CCZ1: variants seen among roughly 807,000 people sequenced by gnomAD.
CCZ1 encodes the protein vacuolar fusion protein CCZ1 homolog.
CCZ1 carries 19 observed loss-of-function variants against 57.8 expected under a neutral mutation model. That is an observed-to-expected ratio of 0.33 (90% CI 0.23 to 0.48). The LOEUF is 0.48. Ranked by LOEUF, CCZ1 falls within the 20% of genes least tolerant of loss-of-function variation. The probability of loss-of-function intolerance (pLI) is 0.99; values close to 1 mark genes in which losing one functional copy is unlikely to be tolerated. For synonymous variants in CCZ1, 81 were observed against 167.0 expected (o/e 0.49, Z 3.97); for missense variants, 200 against 492.0 (o/e 0.41, Z 5.61).
Position 5,902,522 on chromosome 7 carries a change from A to G in CCZ1, c.439-139A>G, listed in dbSNP as rs1781707191. 10 of 1,353,580 alleles carry G rather than the reference A, an allele frequency of 7.4e-6. 1 individual carries two copies. In the East Asian group the frequency reaches 3.6e-4, roughly 48 times the overall value. 83.8% of individuals were successfully genotyped at this position (1,353,580 alleles called of 1,614,324 possible). A position where few individuals can be genotyped will look rare whatever the true frequency, so the allele number is the denominator to read the frequency against. On this transcript the variant is annotated intron_variant, in intron 5 of 14. Coordinates refer to ENST00000325974, the MANE Select transcript of CCZ1 (RefSeq NM_015622.6). ...TTACATTTTTAACTCAAGTTTTCTCATGTAAATATTCTCTGTTGGAAAGAA... is the reference window on the plus strand; with the variant it reads ...TTACATTTTTAACTCAAGTTTTCTCGTGTAAATATTCTCTGTTGGAAAGAA...
chr7:5,899,944 G>A (rs1273140458), intron 1 of CCZ1, among the ~76,000 whole-genome samples: 2 of 139,296 alleles, frequency 1.4e-5, no homozygotes, highest in Non-Finnish European at 3.0e-5. Context: ...ATTACCTGGT[G>A]CTACTTCAGA....
intron 12 of CCZ1, among the ~76,000 whole-genome samples, chr7:5,920,469 G>GTTTTTTT (rs1562546070): frequency 9.0e-5 from 2 of 22,144 alleles, no homozygotes; most frequent in Admixed American, 9.8e-4. Flanking sequence ...TTTCTCCCTG[G>GTTTTTTT]CTTTTTTTTT....
intron 12 of CCZ1, among the ~76,000 whole-genome samples, 174 bp from the exon 13 acceptor site, chr7:5,923,213 A>G (rs1779283948): frequency 1.3e-5 from 1 of 77,344 alleles, no homozygotes; most frequent in Non-Finnish European, 2.5e-5. Flanking sequence ...GCTACTCAGG[A>G]GGCTGAGGCA....
intron 10 of CCZ1, among the ~76,000 whole-genome samples, chr7:5,915,590 A>G (rs1450309846): frequency 6.6e-6 from 1 of 151,438 alleles, no homozygotes; most frequent in Non-Finnish European, 1.5e-5. Flanking sequence ...TACACTTAAA[A>G]TGTACAGTTC....
rs1271031328 is a variant in CCZ1, at chr7:5,905,152, G to C, written c.581G>C (p.Ser194Thr). ...CTACTTGACATTTTTGGTGGAATCA[G>C]CTTCTTCCCGTTGGATAAAATGACT... Reference protein sequence around the residue: ...CDLLDIFGGISFFPLDKMTYL... With the variant: ...CDLLDIFGGITFFPLDKMTYL... Residue 194 changes from serine to threonine, a missense_variant, in exon 7 of 15, where the codon AGC becomes ACC. Ser to Thr is a moderately conservative substitution (Grantham distance 58). This residue lies in a region of CCZ1 where 128 missense variants were observed against 178.4 expected (regional missense o/e 0.72). Coordinates refer to ENST00000325974, the MANE Select transcript of CCZ1 (RefSeq NM_015622.6). 1 of 1,585,442 alleles carries C rather than the reference G, an allele frequency of 6.3e-7. No homozygotes were observed. Among genetic ancestry groups the C allele is most frequent in the South Asian group, 1.2e-5 (1 of 86,848 alleles).
At chr7:5,906,241 G>C (rs113452478) in intron 7 of CCZ1, among the ~76,000 whole-genome samples, 1 of 147,690 alleles carries the variant, frequency 6.8e-6, no homozygotes, top group Admixed American at 6.7e-5. Context: ...AGAGTAGGTG[G>C]ACAGAAGTCA....
intron 10 of CCZ1, among the ~76,000 whole-genome samples, chr7:5,915,490 T>C (rs1779130075): frequency 7.3e-6 from 1 of 137,788 alleles, no homozygotes. Flanking sequence ...TTGTGGGGTG[T>C]GATGATGGGA....
chr7:5,921,824 CAT>C (rs1220911881), intron 12 of CCZ1, among the ~76,000 whole-genome samples: 2 of 119,958 alleles, frequency 1.7e-5, no homozygotes, highest in Non-Finnish European at 3.6e-5. Context: ...GTGTAGTGAC[CAT>C]AGAGAACGTG....
At chr7:5,903,070 A>C (rs1354843386) in intron 6 of CCZ1, among the ~76,000 whole-genome samples, 1 of 148,472 alleles carries the variant, frequency 6.7e-6, no homozygotes, top group African/African-American at 2.5e-5. Context: ...TTTGTGTGAT[A>C]GATTAGTTGA....
intron 8 of CCZ1, among the ~76,000 whole-genome samples, chr7:5,911,243 G>A (rs1781971740): frequency 6.7e-6 from 1 of 148,858 alleles, no homozygotes; most frequent in Non-Finnish European, 1.5e-5. Context: ...TCTCCCCAAA[G>A]TATTTTCAGA....
intron 12 of CCZ1, among the ~76,000 whole-genome samples, chr7:5,920,581 C>T (rs1410238396): frequency 7.8e-6 from 1 of 128,952 alleles, no homozygotes; most frequent in Non-Finnish European, 1.7e-5. Context: ...AAGCGATTCT[C>T]ATGCCTCATC....
intron 10 of CCZ1, among the ~76,000 whole-genome samples, chr7:5,914,797 A>AC (rs1779117005): frequency 6.9e-6 from 1 of 145,548 alleles, no homozygotes; most frequent in Non-Finnish European, 1.5e-5. Context: ...AATCACTTGT[A>AC]CCCGCGAGGC....
intron 7 of CCZ1, among the ~76,000 whole-genome samples, chr7:5,907,474 G>A (rs1316799049): frequency 1.3e-5 from 2 of 148,308 alleles, no homozygotes; most frequent in East Asian, 4.5e-4. Context: ...GGGTAGCTGA[G>A]ATTCTGATCT....
chr7:5,902,084 A>T (rs1370842373), intron 5 of CCZ1: 3 of 219,936 alleles, frequency 1.4e-5, no homozygotes, highest in Non-Finnish European at 8.9e-6. Context: ...GCTTGAGCCC[A>T]GGAGTTCAGG....
rs749726256 is a variant in CCZ1 at position 5,905,277 on chromosome 7, C to T, written c.698+8C>T. ...TAACGATCAGCTCATCTGGTAGGTACACCCCGAGGCATGGTATTAAAAGAA... is the reference window on the plus strand; with the variant it reads ...TAACGATCAGCTCATCTGGTAGGTATACCCCGAGGCATGGTATTAAAAGAA... On this transcript the variant is annotated splice_region_variant and intron_variant, in intron 7 of 14. Transcript: ENST00000325974. The T allele has an allele frequency of 1.4e-5, 20 of 1,421,696 alleles. 3 individuals carry two copies. The African/African-American group carries it at 3.0e-4, about 21-fold the overall frequency. The allele number at this position is 1,421,696 out of a possible 1,614,324, so 88.1% of individuals were successfully genotyped here.
Position 5,904,566 on chromosome 7 carries a change from C to T in CCZ1, c.523-528C>T, listed in dbSNP as rs1249708461. Reference sequence around the variant, plus strand: ...AAAAATTTTTGGCCAGGCGTGGTGGCTCACACCTCTAATCCCAGCACTTTG... The same window carrying T: ...AAAAATTTTTGGCCAGGCGTGGTGGTTCACACCTCTAATCCCAGCACTTTG... On this transcript the variant is annotated intron_variant, in intron 6 of 14. Transcript: ENST00000325974. Among the ~76,000 whole-genome samples the T allele has an allele frequency of 7.7e-4, 113 of 146,130 alleles. 1 individual carries two copies. Among genetic ancestry groups the T allele is most frequent in the African/African-American group, 2.8e-3 (110 of 38,666 alleles).
At chr7:5,911,813 T>A (rs1237941240) in intron 8 of CCZ1, 48 bp from the exon 9 acceptor site, 1 of 1,335,004 alleles carries the variant, frequency 7.5e-7, no homozygotes, top group Non-Finnish European at 1.0e-6. Flanking sequence ...GCTTGGAAAA[T>A]AAATAAAAAG....
At chr7:5,904,804 C>T (rs1435863105) in intron 6 of CCZ1, among the ~76,000 whole-genome samples, 4 of 147,966 alleles carry the variant, frequency 2.7e-5, no homozygotes, top group African/African-American at 1.0e-4. Context: ...GCACTCCAGC[C>T]TGGATGACAG....
chr7:5,898,821 G>C lies in CCZ1; in HGVS notation c.22G>C (p.Ala8Pro), dbSNP rs868715393. Reference sequence around the variant, plus strand: ...CGGGATGGCTGCAGCGGCGGCCGGGGCCGGGAGCGGGCCCTGGGCGGCCCA... The same window carrying C: ...CGGGATGGCTGCAGCGGCGGCCGGGCCCGGGAGCGGGCCCTGGGCGGCCCA... MAAAAAG[A>P]GSGPWAAQEK... The change falls in exon 1 of 15, where the codon GCC (alanine) becomes CCC (proline). Residue 8 changes from alanine to proline, a missense_variant. By Grantham distance (27) the Ala-to-Pro change is conservative. Transcript: ENST00000325974. 2 of 410,456 alleles carry C rather than the reference G, an allele frequency of 4.9e-6. No individual in the cohort carries two copies. Among genetic ancestry groups the C allele is most frequent in the African/African-American group, 2.7e-5 (1 of 37,156 alleles). 25.4% of individuals were successfully genotyped at this position (410,456 alleles called of 1,614,324 possible).
Sources: allele counts gnomAD v4.1 joint callset (sites outside exome capture counted in the v4.1 genomes callset), GRCh38; gene constraint gnomAD v4.1.1; regional missense constraint gnomAD v4.1.1; transcripts MANE v1.5; gene names NCBI Gene and HGNC (gene_info 2026-07-23, HGNC 2026-07-21).